Variants in MAST2 observed in about 807,000 individuals in gnomAD.
MAST2 encodes the protein microtubule-associated serine/threonine-protein kinase 2.
A neutral mutation model predicts 147.4 loss-of-function variants in MAST2; 70 were observed. That is an observed-to-expected ratio of 0.47 (90% CI 0.39 to 0.58). MAST2 has a LOEUF of 0.58. Among genes scored for constraint, MAST2 ranks in the 20% least tolerant of loss-of-function variants. The pLI is 0.00. For missense variants in MAST2, 2,080 were observed against 2,302.3 expected, an observed-to-expected ratio of 0.90 and a Z score of 1.98; for synonymous variants, 869 against 896.8, an observed-to-expected ratio of 0.97 and a Z score of 0.55.
intron 5 of MAST2, among the ~76,000 whole-genome samples, chr1:45,990,283 C>T (rs1644807675): frequency 6.6e-6 from 1 of 152,140 alleles, no homozygotes; most frequent in Non-Finnish European, 1.5e-5. Context: ...TTTGCAATGT[C>T]CTATGCCAAA....
At chr1:45,984,362 G>A (rs1467208225) in intron 5 of MAST2, among the ~76,000 whole-genome samples, 1 of 149,912 alleles carries the variant, frequency 6.7e-6, no homozygotes, top group African/African-American at 2.5e-5. Flanking sequence ...ACAGTGCAGT[G>A]ACACAATCGT....
intron 5 of MAST2, among the ~76,000 whole-genome samples, chr1:45,992,123 G>T (rs1180097784): frequency 1.3e-5 from 2 of 151,978 alleles, no homozygotes; most frequent in Non-Finnish European, 2.9e-5. Context: ...TGTTCTTGGA[G>T]AAAAAATACC....
intron 3 of MAST2, among the ~76,000 whole-genome samples, chr1:45,874,931 A>G (rs971952468): frequency 6.6e-5 from 10 of 152,186 alleles, no homozygotes; most frequent in Non-Finnish European, 1.0e-4. Context: ...ATAAAAAGAG[A>G]TAAAGAAAAG....
At chr1:46,025,880 C>T (rs991221208) in intron 16 of MAST2, 65 bp downstream of exon 16, 2 of 1,595,574 alleles carry the variant, frequency 1.3e-6, no homozygotes, top group African/African-American at 2.7e-5. Context: ...AAAATGTTGG[C>T]AAGCACAGTA....
intron 3 of MAST2, among the ~76,000 whole-genome samples, chr1:45,832,920 A>G (rs192446398): frequency 5.3e-5 from 8 of 152,192 alleles, no homozygotes; most frequent in Non-Finnish European, 2.9e-5. Context: ...TAGAAACTGT[A>G]CTCTTCAGGT....
chr1:45,997,611 G>C, intron 5 of MAST2, 113 bp from the exon 6 acceptor site: 1 of 771,750 alleles, frequency 1.3e-6, no homozygotes, highest in Non-Finnish European at 2.3e-6. Flanking sequence ...TAGTGGCCCT[G>C]AGAAAATAAC....
intron 1 of MAST2, among the ~76,000 whole-genome samples, chr1:45,822,960 T>C (rs989781327): frequency 6.6e-6 from 1 of 152,216 alleles, no homozygotes; most frequent in Non-Finnish European, 1.5e-5. Flanking sequence ...GTTAGGTGCC[T>C]GGACACATCA....
At chr1:45,894,132 C>G (rs1254247084) in intron 4 of MAST2, among the ~76,000 whole-genome samples, 1 of 151,796 alleles carries the variant, frequency 6.6e-6, no homozygotes, top group East Asian at 1.9e-4. Flanking sequence ...GGAAGGATTG[C>G]TTGAGCCTGG....
In MAST2 at chr1:45,847,583, C is replaced by G; in HGVS notation, c.468+18002C>G. 3 of 803,844 alleles carry G rather than the reference C, an allele frequency of 3.7e-6. No individual in the cohort carries two copies. The South Asian group carries it at 4.3e-5, about 12-fold the overall frequency. 49.8% of individuals were successfully genotyped at this position (803,844 alleles called of 1,614,324 possible). A position where few individuals can be genotyped will look rare whatever the true frequency, so the allele number is the denominator to read the frequency against. ...GAATGACTTTTTTTCCCATCCTGCA[C>G]TTTTTCCCTTTGGTGCTTTAGGTAT... On this transcript the variant is annotated intron_variant, in intron 3 of 28. Coordinates refer to ENST00000361297, the MANE Select transcript of MAST2 (RefSeq NM_015112.3).
Position 46,022,066 on chromosome 1 carries a change from C to G in MAST2, c.1407C>G (p.Thr469=). ...ACATCGTTAGCCAGCTGGGCCTCAC[C>G]CGGGATCCCCTAGAAGGTGAGCATG... ...PRYIVSQLGL[T]RDPLEEMAQL... Residue 469 remains threonine, a synonymous_variant, in exon 12 of 29, where the codon ACC becomes ACG. Coordinates refer to ENST00000361297, the MANE Select transcript of MAST2 (RefSeq NM_015112.3). The G allele has an allele frequency of 6.2e-7, 1 of 1,614,084 alleles. No individual in the cohort carries two copies. Among genetic ancestry groups the G allele is most frequent in the South Asian group, 1.1e-5 (1 of 91,072 alleles).
At position 45,813,901 on chromosome 1, in the gene MAST2, C is replaced by T. The variant is rs373908861; in HGVS notation, c.177+9829C>T. On this transcript the variant is annotated intron_variant, in intron 1 of 28. Coordinates refer to ENST00000361297, the MANE Select transcript of MAST2 (RefSeq NM_015112.3). ...TCTTGGCCTCAAGCAATCCTTCTGC[C>T]TTGGCCTTCCAAAATGTTGGGATTA... 4.5e-4 allele frequency among the ~76,000 whole-genome samples: 69 copies of T among 152,280 alleles called. No individual in the cohort carries two copies. In the South Asian group the frequency reaches 9.9e-3, roughly 22 times the overall value.
intron 3 of MAST2, among the ~76,000 whole-genome samples, chr1:45,867,444 G>C (rs1481128636): frequency 1.3e-5 from 2 of 152,160 alleles, no homozygotes; most frequent in Non-Finnish European, 2.9e-5. Context: ...ATAGTAAATA[G>C]GGCATTTAGA....
intron 4 of MAST2, among the ~76,000 whole-genome samples, chr1:45,922,744 C>A (rs1653725697): frequency 6.6e-6 from 1 of 152,122 alleles, no homozygotes. Flanking sequence ...GGGCTCCCAC[C>A]CCACCAACTC....
intron 4 of MAST2, among the ~76,000 whole-genome samples, chr1:45,925,896 G>A (rs1442443287): frequency 6.6e-6 from 1 of 152,148 alleles, no homozygotes; most frequent in Non-Finnish European, 1.5e-5. Flanking sequence ...TATGTCACAC[G>A]TATGAGAGAC....
At chr1:45,908,019 A>G (rs916093012) in intron 4 of MAST2, among the ~76,000 whole-genome samples, 3 of 152,014 alleles carry the variant, frequency 2.0e-5, no homozygotes, top group South Asian at 4.1e-4. Context: ...TATTTCTGAT[A>G]TTGATGATTT....
At chr1:45,967,338 AG>A (rs1481233737) in intron 5 of MAST2, among the ~76,000 whole-genome samples, 1 of 152,122 alleles carries the variant, frequency 6.6e-6, no homozygotes, top group Admixed American at 6.6e-5. Flanking sequence ...CCAAAGTGCT[AG>A]GATTACAGGC....
At chr1:46,018,144 T>C (rs1646035630) in intron 10 of MAST2, among the ~76,000 whole-genome samples, 1 of 152,176 alleles carries the variant, frequency 6.6e-6, no homozygotes, top group South Asian at 2.1e-4. Flanking sequence ...TTGCTGCCTC[T>C]TCACAAGTTC....
At chr1:45,911,431 A>C (rs1289652354) in intron 4 of MAST2, among the ~76,000 whole-genome samples, 1 of 152,218 alleles carries the variant, frequency 6.6e-6, no homozygotes, top group Non-Finnish European at 1.5e-5. Flanking sequence ...GCTCTGCAAT[A>C]GTACTGCTCT....
At chr1:45,887,715 A>T (rs1001662379) in intron 4 of MAST2, among the ~76,000 whole-genome samples, 2 of 152,098 alleles carry the variant, frequency 1.3e-5, no homozygotes, top group Non-Finnish European at 2.9e-5. Flanking sequence ...CACATAATAA[A>T]CCCTTTGTTG....
Sources: allele counts gnomAD v4.1 joint callset (sites outside exome capture counted in the v4.1 genomes callset), GRCh38; gene constraint gnomAD v4.1.1; transcripts MANE v1.5; gene names NCBI Gene and HGNC (gene_info 2026-07-23, HGNC 2026-07-21).